SLC12A5: variants seen among roughly 807,000 people sequenced by gnomAD.
SLC12A5 encodes the protein K-Cl cotransporter 2.
A neutral mutation model predicts 124.0 loss-of-function variants in SLC12A5; 18 were observed. The observed-to-expected ratio is 0.15, with a 90% CI of 0.10 to 0.22. The LOEUF is 0.22. Ranked by LOEUF, SLC12A5 falls within the 10% of genes least tolerant of loss-of-function variation. The pLI is 1.00. For synonymous variants in SLC12A5, 589 were observed against 568.0 expected, an observed-to-expected ratio of 1.04 and a Z score of -0.53; for missense variants, 867 against 1,478.7, an observed-to-expected ratio of 0.59 and a Z score of 6.78.
chr20:46,041,930 G>A (rs1006420119), intron 8 of SLC12A5, among the ~76,000 whole-genome samples: 1 of 152,018 alleles, frequency 6.6e-6, no homozygotes, highest in Non-Finnish European at 1.5e-5. Context: ...AATGCCCGGG[G>A]GGGGAGAGTT....
intron 6 of SLC12A5, among the ~76,000 whole-genome samples, chr20:46,039,223 G>T (rs373816946): frequency 1.3e-5 from 2 of 152,222 alleles, no homozygotes; most frequent in East Asian, 3.9e-4. Flanking sequence ...GAATGTAAAC[G>T]TTAATATTTA....
At chr20:46,055,931 C>T in intron 21 of SLC12A5, 1 of 590,458 alleles carries the variant, frequency 1.7e-6, no homozygotes, top group Non-Finnish European at 2.9e-6. Context: ...CAAGGTTAAC[C>T]CTTTTGTTGC....
In SLC12A5 at chr20:46,058,091, C is replaced by G. The variant is rs1287032955; in HGVS notation, c.*486C>G. 1 of 180,696 alleles carries G rather than the reference C, an allele frequency of 5.5e-6. No homozygotes were observed. Among genetic ancestry groups the G allele is most frequent in the African/African-American group, 2.4e-5 (1 of 42,520 alleles). The allele number at this position is 180,696 out of a possible 1,614,324, so 11.2% of individuals were successfully genotyped here. On this transcript the variant is annotated 3_prime_UTR_variant, in exon 26 of 26. Transcript: ENST00000243964. This position sits in a 1 kb window ranked among gnomAD's most constrained non-coding sequence, Gnocchi z 5.8. ...GTCTCCGCCGCCCCTTCTCGCCGAG[C>G]CGTGGGGCGCGGGCGGCCGAGCCTA...
chr20:46,023,699 C>T (rs2084374480), downstream of SLC12A5: 1 of 360,004 alleles, frequency 2.8e-6, no homozygotes, highest in Non-Finnish European at 5.0e-6. Flanking sequence ...TTAACCTTTT[C>T]CAAAAACCTT....
chr20:46,040,360 C>T lies in SLC12A5; in HGVS notation c.613-13C>T, dbSNP rs1261907319. ...TGACTTAGGTATCTGTTCTTCCTGC[C>T]CCTTTCCCACAGGCTTACCTCTTCC... On this transcript the variant is annotated splice_polypyrimidine_tract_variant and intron_variant, in intron 6 of 25. Coordinates refer to ENST00000243964, the MANE Select transcript of SLC12A5 (RefSeq NM_020708.5). 6.2e-7 allele frequency: 1 copy of T among 1,613,102 alleles called. No homozygotes were observed. Among genetic ancestry groups the T allele is most frequent in the Non-Finnish European group, 8.5e-7 (1 of 1,179,916 alleles).
At position 46,035,071 on chromosome 20, in the gene SLC12A5, C is replaced by A. The variant is rs983945003; in HGVS notation, c.147+29C>A. On this transcript the variant is annotated intron_variant, in intron 2 of 25. Transcript: ENST00000243964. Reference sequence around the variant, plus strand: ...GGCTGCTAGGGCTGTTGGGCCCCCACCTACAATTCATTATCCTGATTCATC... The same window carrying A: ...GGCTGCTAGGGCTGTTGGGCCCCCAACTACAATTCATTATCCTGATTCATC... 3 of 1,604,738 alleles carry A rather than the reference C, an allele frequency of 1.9e-6. No homozygotes were observed. The South Asian group carries it at 3.3e-5, about 18-fold the overall frequency.
chr20:46,045,173 T>C lies in SLC12A5; in HGVS notation c.1569+33T>C, dbSNP rs377766377. 1.4e-4 allele frequency: 214 copies of C among 1,532,814 alleles called. No homozygotes were observed. The Middle Eastern group carries it at 2.1e-3, about 15-fold the overall frequency. 95.0% of individuals were successfully genotyped at this position (1,532,814 alleles called of 1,614,324 possible). On this transcript the variant is annotated intron_variant, in intron 12 of 25. Transcript: ENST00000243964. The surrounding 1 kb of genome is among the most constrained non-coding windows in gnomAD (Gnocchi z 4.9). ...TGGGAGAAGAACAGCCCACCCTCAGTAGACCAGCCAGGCCCCTGCCCAGAG... is the reference window on the plus strand; with the variant it reads ...TGGGAGAAGAACAGCCCACCCTCAGCAGACCAGCCAGGCCCCTGCCCAGAG...
At chr20:46,029,532 C>G in intron 1 of SLC12A5, 136 bp downstream of exon 1, 1 of 947,452 alleles carries the variant, frequency 1.1e-6, no homozygotes, top group Non-Finnish European at 1.5e-6. Context: ...CCAGTTGCAG[C>G]CTGGAGCTCA....
In SLC12A5 at chr20:46,029,356, C is replaced by T. The variant is rs1186217169; in HGVS notation, c.12C>T (p.Asn4=). The change falls in exon 1 of 26, where the codon AAC becomes AAT. Residue 4 remains asparagine (N), a synonymous_variant. Transcript: ENST00000243964. MLN[N]LTDCEDGDGG... ...GCCGCGCCGCCACCATGCTAAACAACCTGACGGACTGCGAGGACGGCGATG... is the reference window on the plus strand; with the variant it reads ...GCCGCGCCGCCACCATGCTAAACAATCTGACGGACTGCGAGGACGGCGATG... 6.5e-7 allele frequency: 1 copy of T among 1,548,002 alleles called. No homozygotes were observed. Among genetic ancestry groups the T allele is most frequent in the South Asian group, 1.2e-5 (1 of 83,954 alleles).
In SLC12A5 at chr20:46,053,094, A is replaced by G. The variant is rs776957511; in HGVS notation, c.2515A>G (p.Met839Val). ...GATTGTGCACGATGGAGGCATGCTC[A>G]TGCTGCTGCCCTTCCTGCTGCGGCA... Reference protein sequence around the residue: ...WWIVHDGGMLMLLPFLLRHHK... With the variant: ...WWIVHDGGMLVLLPFLLRHHK... The change falls in exon 19 of 26, where the codon ATG (methionine) becomes GTG (valine). Residue 839 changes from methionine to valine, a missense_variant. Physicochemically the swap from Met to Val is conservative, Grantham distance 21 (BLOSUM62 1). Coordinates refer to ENST00000243964, the MANE Select transcript of SLC12A5 (RefSeq NM_020708.5). This position sits in a 1 kb window ranked among gnomAD's most constrained non-coding sequence, Gnocchi z 4.7. The G allele has an allele frequency of 1.9e-6, 3 of 1,612,256 alleles. No homozygotes were observed. The highest frequency in any genetic ancestry group is 2.5e-6 in the Non-Finnish European group (3 of 1,178,374).
intron 8 of SLC12A5, 139 bp from the exon 9 acceptor site, chr20:46,043,014 A>G: frequency 1.2e-6 from 1 of 846,898 alleles, no homozygotes; most frequent in Non-Finnish European, 1.9e-6. Context: ...ATGTCAGTGG[A>G]AATGAAATAG....
rs1465532109 is a variant in SLC12A5 at position 46,034,846 on chromosome 20, C to T, written c.53-102C>T. ...GTATTAGCCCCATTTTCCCAATGCG[C>T]GAACTGAGATTCAGAGGGCTACTGT... On this transcript the variant is annotated intron_variant, in intron 1 of 25. Coordinates refer to ENST00000243964, the MANE Select transcript of SLC12A5 (RefSeq NM_020708.5). The T allele has an allele frequency of 6.6e-5, 70 of 1,057,198 alleles. 1 individual carries two copies. The highest frequency in any genetic ancestry group is 3.3e-4 in the South Asian group (25 of 75,014). The allele number at this position is 1,057,198 out of a possible 1,614,324, so 65.5% of individuals were successfully genotyped here. A position where few individuals can be genotyped will look rare whatever the true frequency, so the allele number is the denominator to read the frequency against.
In SLC12A5 at chr20:46,059,310, C is replaced by A. The variant is rs372113071; in HGVS notation, c.*1705C>A. ...AAGGCAGAGCTGGAGCTGGCGCCAC[C>A]CAGACAGCGTCAGGTGTGGCTGGGG... On this transcript the variant is annotated 3_prime_UTR_variant, in exon 26 of 26. Coordinates refer to ENST00000243964, the MANE Select transcript of SLC12A5 (RefSeq NM_020708.5). 5 of 355,268 alleles carry A rather than the reference C, an allele frequency of 1.4e-5. No homozygotes were observed. Among genetic ancestry groups the A allele is most frequent in the Non-Finnish European group, 1.5e-5 (3 of 199,366 alleles). The allele number at this position is 355,268 out of a possible 1,614,324, so 22.0% of individuals were successfully genotyped here. A position where few individuals can be genotyped will look rare whatever the true frequency, so the allele number is the denominator to read the frequency against.
chr20:46,027,464 T>TC (rs1276842116), upstream of SLC12A5, among the ~76,000 whole-genome samples: 5 of 152,304 alleles, frequency 3.3e-5, no homozygotes, highest in Non-Finnish European at 7.3e-5. Context: ...CTGAAAAAAG[T>TC]CCTGTCCTAT....
upstream of SLC12A5, chr20:46,029,166 G>T: frequency 1.4e-5 from 20 of 1,418,060 alleles, no homozygotes; most frequent in Non-Finnish European, 1.8e-5. Context: ...GCGCGCGCGG[G>T]TGTGAGCGTG....
Position 46,057,344 on chromosome 20 carries a change from G to C in SLC12A5, c.3259+41G>C. Reference sequence around the variant, plus strand: ...AATTGGGGGAAAGAGGGAGGTGGACGTCAGGGAATCTGGGTCCTGTCCCTG... The same window carrying C: ...AATTGGGGGAAAGAGGGAGGTGGACCTCAGGGAATCTGGGTCCTGTCCCTG... On this transcript the variant is annotated intron_variant, in intron 25 of 25. Coordinates refer to ENST00000243964, the MANE Select transcript of SLC12A5 (RefSeq NM_020708.5). The surrounding 1 kb of genome is among the most constrained non-coding windows in gnomAD (Gnocchi z 7.1). 2 of 1,613,032 alleles carry C rather than the reference G, an allele frequency of 1.2e-6. No individual in the cohort carries two copies. The highest frequency in any genetic ancestry group is 2.2e-5 in the East Asian group (1 of 44,828).
In SLC12A5 at chr20:46,058,049, G is replaced by C. The variant is rs568609787; in HGVS notation, c.*444G>C. 3 of 179,016 alleles carry C rather than the reference G, an allele frequency of 1.7e-5. No individual in the cohort carries two copies. In the South Asian group the frequency reaches 5.5e-4, roughly 33 times the overall value. 11.1% of individuals were successfully genotyped at this position (179,016 alleles called of 1,614,324 possible). On this transcript the variant is annotated 3_prime_UTR_variant, in exon 26 of 26. Coordinates refer to ENST00000243964, the MANE Select transcript of SLC12A5 (RefSeq NM_020708.5). The surrounding 1 kb of genome is among the most constrained non-coding windows in gnomAD (Gnocchi z 5.8). Reference sequence around the variant, plus strand: ...CGGCGGCCCGGAGGCCCGCGGGGTGGGAAGGCCGCGCTTGCCGTCTCCGCC... The same window carrying C: ...CGGCGGCCCGGAGGCCCGCGGGGTGCGAAGGCCGCGCTTGCCGTCTCCGCC...
chr20:46,039,497 G>T (rs547681061), intron 6 of SLC12A5, among the ~76,000 whole-genome samples: 2 of 152,224 alleles, frequency 1.3e-5, no homozygotes, highest in East Asian at 1.9e-4. Flanking sequence ...TCATCTGGCC[G>T]GGCACAGTGG....
intron 8 of SLC12A5, 136 bp from the exon 9 acceptor site, chr20:46,043,017 T>A: frequency 1.2e-6 from 1 of 862,750 alleles, no homozygotes; most frequent in Non-Finnish European, 1.8e-6. Context: ...TCAGTGGAAA[T>A]GAAATAGAGA....
Sources: gnomAD v4.1 joint callset for allele counts (sites outside exome capture counted in the v4.1 genomes callset) on GRCh38, gnomAD v4.1.1 for gene constraint, Gnocchi (gnomAD v3.1) non-coding constraint, MANE v1.5 for transcripts, NCBI Gene and HGNC (gene_info 2026-07-23, HGNC 2026-07-21) for gene names.